Variants in ENTREP3 observed in about 807,000 individuals in gnomAD.
ENTREP3 encodes protein ENTREP3.
chr1:155,254,072 C>T, the ENTREP3 span: 3 of 1,613,758 alleles, frequency 1.9e-6, no homozygotes, highest in South Asian at 2.2e-5. The surrounding 1 kb of genome is among the most constrained non-coding windows in gnomAD (Gnocchi z 4.4). Context: ...GCTCTCCCTC[C>T]TCAAATCTCA....
chr1:155,248,145 C>T, the ENTREP3 span: 3 of 1,614,118 alleles, frequency 1.9e-6, no homozygotes, highest in Non-Finnish European at 2.5e-6. Context: ...GGCCAGCTGC[C>T]CTTTAGGTCC....
chr1:155,252,684 T>TGTG, the ENTREP3 span: 1 of 92,164 alleles, frequency 1.1e-5, no homozygotes, highest in African/African-American at 6.0e-5. Flanking sequence ...TTTTGTAATT[T>TGTG]TGTGTGTATA....
the ENTREP3 span, chr1:155,251,028 G>T: frequency 6.8e-7 from 1 of 1,476,692 alleles, no homozygotes; most frequent in Non-Finnish European, 9.4e-7. Context: ...CCCTTCTATT[G>T]TCTCTACCCA....
the ENTREP3 span, chr1:155,251,531 C>T: frequency 4.3e-6 from 7 of 1,613,906 alleles, no homozygotes; most frequent in Non-Finnish European, 5.1e-6. Flanking sequence ...CCCATGACTG[C>T]CTCATAAGAA....
At chr1:155,255,234 G>C in the ENTREP3 span, 6,233 of 378,256 alleles carry the variant, frequency 0.016, 121 homozygotes, top group Middle Eastern at 0.056. This position sits in a 1 kb window ranked among gnomAD's most constrained non-coding sequence, Gnocchi z 5.6. Flanking sequence ...AGCCCAGGGA[G>C]GGGTGGGGAG....
the ENTREP3 span, chr1:155,253,935 C>A: frequency 6.2e-7 from 1 of 1,612,640 alleles, no homozygotes; most frequent in Non-Finnish European, 8.5e-7. Context: ...TGGACAGGGC[C>A]GGAGGAGGGG....
At chr1:155,254,842 C>T in the ENTREP3 span, 6 of 1,592,212 alleles carry the variant, frequency 3.8e-6, no homozygotes, top group East Asian at 2.3e-5. This position sits in a 1 kb window ranked among gnomAD's most constrained non-coding sequence, Gnocchi z 4.4. Flanking sequence ...GCCGGCTGGT[C>T]AGCGAGCGGC....
At chr1:155,249,607 C>T in the ENTREP3 span, among the ~76,000 whole-genome samples, 6 of 151,210 alleles carry the variant, frequency 4.0e-5, no homozygotes, top group African/African-American at 1.2e-4. Flanking sequence ...TGCCCGGGCA[C>T]GGTGACTCAT....
At chr1:155,247,742 G>A in the ENTREP3 span, 2 of 1,456,006 alleles carry the variant, frequency 1.4e-6, no homozygotes, top group Non-Finnish European at 1.8e-6. Context: ...ACCAGCTGGT[G>A]CCTGTGGCTG....
At chr1:155,254,310 G>C in the ENTREP3 span, 1 of 1,525,698 alleles carries the variant, frequency 6.6e-7, no homozygotes, top group South Asian at 1.1e-5. This position sits in a 1 kb window ranked among gnomAD's most constrained non-coding sequence, Gnocchi z 4.4. Flanking sequence ...CACCAACTGG[G>C]GAGCCAGTTC....
the ENTREP3 span, chr1:155,253,360 TCTACC>T: frequency 2.3e-6 from 1 of 443,716 alleles, no homozygotes; most frequent in Middle Eastern, 5.8e-4. Flanking sequence ...CCTTCTTGAC[TCTACC>T]CCACCATCCA....
chr1:155,253,652 T>C, the ENTREP3 span: 12 of 1,613,702 alleles, frequency 7.4e-6, no homozygotes, highest in African/African-American at 2.7e-5. Flanking sequence ...GGGAGAAGAT[T>C]TGGATGCAGC....
chr1:155,248,259 A>T, the ENTREP3 span: 2 of 1,601,246 alleles, frequency 1.2e-6, no homozygotes. Context: ...AACTTGGGGG[A>T]AGGGCAGCGG....
At chr1:155,253,652 T>G in the ENTREP3 span, 2 of 1,613,820 alleles carry the variant, frequency 1.2e-6, no homozygotes, top group Non-Finnish European at 8.5e-7. Flanking sequence ...GGGAGAAGAT[T>G]TGGATGCAGC....
At chr1:155,248,140 G>C in the ENTREP3 span, 1 of 1,614,100 alleles carries the variant, frequency 6.2e-7, no homozygotes, top group South Asian at 1.1e-5. Context: ...GACCTGGCCA[G>C]CTGCCCTTTA....
At chr1:155,251,785 G>A in the ENTREP3 span, 1 of 1,603,336 alleles carries the variant, frequency 6.2e-7, no homozygotes, top group African/African-American at 1.3e-5. Context: ...TAGTAGGGCG[G>A]TGGGGGCACA....
the ENTREP3 span, chr1:155,254,141 G>C: frequency 6.2e-7 from 1 of 1,613,994 alleles, no homozygotes; most frequent in African/African-American, 1.3e-5. This position sits in a 1 kb window ranked among gnomAD's most constrained non-coding sequence, Gnocchi z 4.4. Flanking sequence ...AGAGAACAGA[G>C]CCAGCCATGC....
At chr1:155,254,734 C>G in the ENTREP3 span, 1 of 1,613,892 alleles carries the variant, frequency 6.2e-7, no homozygotes, top group Non-Finnish European at 8.5e-7. The surrounding 1 kb of genome is among the most constrained non-coding windows in gnomAD (Gnocchi z 4.4). Context: ...TGAAGGTGAC[C>G]ACCAGGATGC....
At chr1:155,247,261 A>C in the ENTREP3 span, 4 of 377,108 alleles carry the variant, frequency 1.1e-5, no homozygotes, top group Non-Finnish European at 2.1e-5. Context: ...TACTGTTAAG[A>C]GCTTTACAAA....
Sources: gnomAD v4.1 joint callset for allele counts (sites outside exome capture counted in the v4.1 genomes callset) on GRCh38, gnomAD v4.1.1 for gene constraint, Gnocchi (gnomAD v3.1) non-coding constraint, MANE v1.5 for transcripts, NCBI Gene and HGNC (gene_info 2026-07-23, HGNC 2026-07-21) for gene names.